BICRA: variants seen among roughly 807,000 people sequenced by gnomAD.
BICRA encodes the protein BRD4 interacting chromatin remodeling complex associated protein, also known as BRD4-interacting chromatin-remodeling complex-associated protein.
In BICRA, 31 loss-of-function variants were observed where a neutral mutation model predicts 96.9. The ratio of observed to expected loss-of-function variants is 0.32; its 90% CI spans 0.24 to 0.43. The LOEUF (loss-of-function observed/expected upper bound fraction) is 0.43, where lower values mean the gene tolerates loss of function less well. BICRA is among the 20% of genes least tolerant of loss of function. The pLI is 1.00. For synonymous variants in BICRA, 1,350 were observed against 1,071.8 expected, an observed-to-expected ratio of 1.26 and a Z score of -5.07; for missense variants, 2,283 against 2,190.3, an observed-to-expected ratio of 1.04 and a Z score of -0.84.
chr19:47,681,923 G>A (rs1027524681), intron 6 of BICRA, 53 bp from the exon 7 acceptor site: 10 of 1,288,772 alleles, frequency 7.8e-6, no homozygotes, highest in Non-Finnish European at 1.1e-5. Context: ...GGGTGGGGAG[G>A]TCGAGGGCCT....
chr19:47,676,153 G>A (rs1264419754), intron 5 of BICRA, among the ~76,000 whole-genome samples: 2 of 152,128 alleles, frequency 1.3e-5, no homozygotes, highest in Admixed American at 6.5e-5. Context: ...AGACCCCTTG[G>A]GGAAGAGGTG....
chr19:47,674,583 G>A (rs1305818298), intron 4 of BICRA, among the ~76,000 whole-genome samples: 3 of 152,198 alleles, frequency 2.0e-5, no homozygotes, highest in Non-Finnish European at 4.4e-5. Flanking sequence ...GCTTAGCTCG[G>A]TGGTTCAGGC....
intron 1 of BICRA, among the ~76,000 whole-genome samples, chr19:47,653,456 A>G (rs991125286): frequency 1.3e-5 from 2 of 151,994 alleles, no homozygotes; most frequent in African/African-American, 2.4e-5. Context: ...ACCACAATCC[A>G]TTTTAGAACA....
In BICRA at chr19:47,701,912, A is replaced by G; in HGVS notation, c.4180A>G (p.Asn1394Asp). ...RLPLRKTYRE[N>D]VGGPGAPEGT... ...GCCACTGCGCAAGACCTACCGCGAG[A>G]ACGTGGGGGGCCCTGGCGCGCCGGA... Residue 1394 changes from asparagine to aspartate, a missense_variant, in exon 15 of 15, where the codon AAC (asparagine) becomes GAC (aspartate). Coordinates refer to ENST00000594866, the MANE Select transcript of BICRA (RefSeq NM_001394372.1). The surrounding 1 kb of genome is among the most constrained non-coding windows in gnomAD (Gnocchi z 5.4). The G allele has an allele frequency of 6.9e-7, 1 of 1,439,276 alleles. No homozygotes were observed. Among genetic ancestry groups the G allele is most frequent in the Non-Finnish European group, 9.1e-7 (1 of 1,104,880 alleles). The allele number at this position is 1,439,276 out of a possible 1,614,324, so 89.2% of individuals were successfully genotyped here. A position where few individuals can be genotyped will look rare whatever the true frequency, so the allele number is the denominator to read the frequency against.
chr19:47,608,675 TG>T (rs1971845063), upstream of BICRA, among the ~76,000 whole-genome samples: 1 of 151,106 alleles, frequency 6.6e-6, no homozygotes, highest in South Asian at 2.1e-4. Flanking sequence ...GGACTGGGGC[TG>T]GGGGCGGGGG....
At chr19:47,654,124 G>A (rs959200275) in intron 1 of BICRA, among the ~76,000 whole-genome samples, 1 of 152,178 alleles carries the variant, frequency 6.6e-6, no homozygotes. Context: ...GGTTTCCACA[G>A]CAGCTGCAAC....
Position 47,675,994 on chromosome 19 carries a change from A to C in BICRA, c.150+78A>C. On this transcript the variant is annotated intron_variant, in intron 5 of 14. Coordinates refer to ENST00000594866, the MANE Select transcript of BICRA (RefSeq NM_001394372.1). This position sits in a 1 kb window ranked among gnomAD's most constrained non-coding sequence, Gnocchi z 4.7. ...AGGAGGGCCCTGAAGCCAAGAGGGG[A>C]GGCTTGGGCTCATCTCGTGAGGGCT... is the stretch of plus-strand genomic sequence containing the variant. 1 of 627,862 alleles carries C rather than the reference A, an allele frequency of 1.6e-6. No individual in the cohort carries two copies. Among genetic ancestry groups the C allele is most frequent in the African/African-American group, 2.0e-5 (1 of 48,860 alleles). 38.9% of individuals were successfully genotyped at this position (627,862 alleles called of 1,614,324 possible).
rs372738353 is a variant in BICRA, at chr19:47,680,523, C to T, written c.1353C>T (p.Leu451=). The T allele has an allele frequency of 2.3e-5, 35 of 1,548,698 alleles. No homozygotes were observed. In the African/African-American group the frequency reaches 3.0e-4, roughly 13 times the overall value. The part of the protein sequence containing the change: ...GALSKPMSVH[L]LNQGSSIVIP... ...TGAGCAAACCCATGAGCGTCCACCTCCTGAACCAAGGCAGCAGCATCGTCA... is the reference window on the plus strand; with the variant it reads ...TGAGCAAACCCATGAGCGTCCACCTTCTGAACCAAGGCAGCAGCATCGTCA... The change falls in exon 6 of 15, where the codon CTC becomes CTT. Residue 451 remains leucine (L), a synonymous_variant. Coordinates refer to ENST00000594866, the MANE Select transcript of BICRA (RefSeq NM_001394372.1).
At chr19:47,630,680 A>T (rs1191160490) in intron 1 of BICRA, among the ~76,000 whole-genome samples, 1 of 152,182 alleles carries the variant, frequency 6.6e-6, no homozygotes. Flanking sequence ...CACTTGGGTC[A>T]TGTCCCCTTT....
chr19:47,630,227 C>T (rs532972789), intron 1 of BICRA, among the ~76,000 whole-genome samples: 173 of 140,580 alleles, frequency 1.2e-3, no homozygotes, highest in African/African-American at 4.4e-3. Flanking sequence ...GTGGCGCAAT[C>T]TCGGCTCACT....
At chr19:47,681,628 A>G (rs1973062817) in intron 6 of BICRA, among the ~76,000 whole-genome samples, 1 of 152,126 alleles carries the variant, frequency 6.6e-6, no homozygotes, top group Admixed American at 6.5e-5. Flanking sequence ...AGGGACCGGC[A>G]GGGAGAGGGA....
chr19:47,670,001 G>C (rs188733738), intron 1 of BICRA, among the ~76,000 whole-genome samples: 68 of 151,020 alleles, frequency 4.5e-4, no homozygotes, highest in Middle Eastern at 3.5e-3. Context: ...GCCCAGGCTG[G>C]AGTGTAATGC....
intron 1 of BICRA, among the ~76,000 whole-genome samples, chr19:47,622,932 G>A (rs1299827672): frequency 1.3e-5 from 2 of 150,536 alleles, no homozygotes; most frequent in Admixed American, 1.3e-4. Context: ...TAGCTACTCA[G>A]GAGGCTGAGG....
At chr19:47,637,679 C>T (rs1599801744) in intron 1 of BICRA, among the ~76,000 whole-genome samples, 2 of 152,284 alleles carry the variant, frequency 1.3e-5, no homozygotes, top group Admixed American at 1.3e-4. Context: ...ACCTCATACC[C>T]ACTACGAAGC....
In BICRA at chr19:47,694,261, G is replaced by T. The variant is rs539694123; in HGVS notation, c.2430G>T (p.Val810=). Residue 810 remains valine, a synonymous_variant, in exon 8 of 15, where the codon GTG becomes GTT. Coordinates refer to ENST00000594866, the MANE Select transcript of BICRA (RefSeq NM_001394372.1). ...GCCCACCCTCCCGGCCACAGAGTGT[G>T]TCCCGCCCTCCCTCAGAGCCACCCT... ...PSRPPSRPQS[V]SRPPSEPPLH... 2 of 706,972 alleles carry T rather than the reference G, an allele frequency of 2.8e-6. No homozygotes were observed. Among genetic ancestry groups the T allele is most frequent in the Admixed American group, 2.8e-5 (1 of 36,022 alleles). 43.8% of individuals were successfully genotyped at this position (706,972 alleles called of 1,614,324 possible).
Position 47,680,237 on chromosome 19 carries a change from C to A in BICRA, c.1067C>A (p.Ala356Glu). 2.6e-6 allele frequency: 4 copies of A among 1,560,050 alleles called. No individual in the cohort carries two copies. The highest frequency in any genetic ancestry group is 3.4e-6 in the Non-Finnish European group (4 of 1,161,830). ...RTPTPIQPKP[A>E]GVLPPKLYQL... is the part of the protein sequence containing the mutation. The stretch of plus-strand genomic sequence containing the variant: ...CCCACGCCCATCCAGCCCAAGCCCG[C>A]GGGGGTGCTGCCGCCCAAGCTCTAC... Residue 356 changes from alanine to glutamate, a missense_variant, in exon 6 of 15, where the codon GCG becomes GAG. Transcript: ENST00000594866.
chr19:47,664,576 G>A (rs924260884), intron 1 of BICRA, among the ~76,000 whole-genome samples: 1 of 152,184 alleles, frequency 6.6e-6, no homozygotes, highest in African/African-American at 2.4e-5. Flanking sequence ...GCTTCCGTGG[G>A]GATGGGGAGG....
intron 1 of BICRA, among the ~76,000 whole-genome samples, chr19:47,637,598 GT>G (rs951089179): frequency 2.0e-4 from 30 of 152,222 alleles, no homozygotes; most frequent in Admixed American, 1.8e-3. Flanking sequence ...GTGGTTTTTA[GT>G]ATCTCCACAG....
chr19:47,635,588 A>G (rs1327840498), intron 1 of BICRA, among the ~76,000 whole-genome samples: 1 of 151,864 alleles, frequency 6.6e-6, no homozygotes, highest in Non-Finnish European at 1.5e-5. Context: ...GAAGCTCGAT[A>G]CCTGTTGAAC....
Sources: gnomAD v4.1 joint callset for allele counts (sites outside exome capture counted in the v4.1 genomes callset) on GRCh38, gnomAD v4.1.1 for gene constraint, Gnocchi (gnomAD v3.1) non-coding constraint, MANE v1.5 for transcripts, NCBI Gene and HGNC (gene_info 2026-07-23, HGNC 2026-07-21) for gene names.